PCSK5: variants seen among roughly 807,000 people sequenced by gnomAD.
PCSK5 encodes the protein prohormone convertase 5.
PCSK5 carries 129 observed loss-of-function variants against 233.2 expected under a neutral mutation model. That is an observed-to-expected ratio of 0.55 (90% CI 0.48 to 0.64). The LOEUF (loss-of-function observed/expected upper bound fraction) is 0.64. PCSK5 is among the 30% of genes least tolerant of loss of function. PCSK5 has a pLI of 0.00. For synonymous variants in PCSK5, 825 were observed against 879.2 expected, an observed-to-expected ratio of 0.94 and a Z score of 1.09; for missense variants, 2,076 against 2,430.1, an observed-to-expected ratio of 0.85 and a Z score of 3.06.
At chr9:75,953,890 G>A (rs1431029021) in intron 2 of PCSK5, among the ~76,000 whole-genome samples, 1 of 152,072 alleles carries the variant, frequency 6.6e-6, no homozygotes, top group Non-Finnish European at 1.5e-5. Flanking sequence ...TTTTACTTAT[G>A]AGCCCCATTG....
intron 32 of PCSK5, among the ~76,000 whole-genome samples, chr9:76,326,302 C>T (rs1331289001): frequency 6.6e-6 from 1 of 152,062 alleles, no homozygotes; most frequent in Non-Finnish European, 1.5e-5. Context: ...GGGGGGATCA[C>T]TTTAGCCTGG....
chr9:76,012,284 A>G (rs1827759681), intron 3 of PCSK5, among the ~76,000 whole-genome samples: 1 of 152,186 alleles, frequency 6.6e-6, no homozygotes, highest in African/African-American at 2.4e-5. Context: ...TATGACAAAC[A>G]CACATTAATA....
At chr9:76,155,107 A>G (rs112156718) in intron 10 of PCSK5, among the ~76,000 whole-genome samples, 3,071 of 152,314 alleles carry the variant, frequency 0.02, 97 homozygotes, top group African/African-American at 0.066. Context: ...AAACTCCCAC[A>G]TTTATCCGTG....
At chr9:76,242,476 TAAG>T (rs986005297) in intron 24 of PCSK5, among the ~76,000 whole-genome samples, 2 of 152,092 alleles carry the variant, frequency 1.3e-5, no homozygotes, top group Non-Finnish European at 1.5e-5. Flanking sequence ...AATAAACACT[TAAG>T]AAGAAGATAA....
chr9:76,328,327 C>A, intron 33 of PCSK5, 88 bp downstream of exon 33: 1 of 931,294 alleles, frequency 1.1e-6, no homozygotes, highest in Non-Finnish European at 1.7e-6. Context: ...ATACTGGCTT[C>A]TTTCTTTTTG....
Position 75,986,149 on chromosome 9 carries a change from G to A in PCSK5, c.315G>A (p.Gln105=), listed in dbSNP as rs1191060942. The stretch of plus-strand genomic sequence containing the variant: ...CTTGACAGGTGGAATGGATCCAACA[G>A]CAAGTGGTAAAAAAGCGGACAAAGA... ...SMEPKVEWIQ[Q]QVVKKRTKRD... is the part of the protein sequence containing the mutation. The change falls in exon 3 of 38, where the codon CAG becomes CAA. Residue 105 remains glutamine (Q), a synonymous_variant. Transcript: ENST00000674117. 5.0e-6 allele frequency: 8 copies of A among 1,610,628 alleles called. No individual in the cohort carries two copies. The highest frequency in any genetic ancestry group is 2.7e-5 in the African/African-American group (2 of 74,844).
rs138933509 is a variant in PCSK5 at position 76,145,478 on chromosome 9, C to A, written c.1312+11266C>A. 2.4e-3 allele frequency among the ~76,000 whole-genome samples: 366 copies of A among 152,260 alleles called. 1 individual carries two copies. The highest frequency in any genetic ancestry group is 8.2e-3 in the African/African-American group (339 of 41,562). The stretch of plus-strand genomic sequence containing the variant: ...TGTCTTGTGAAAATACCACCTCCCC[C>A]CCAGCTCATTTTTTCTACCAAGGCA... On this transcript the variant is annotated intron_variant, in intron 10 of 37. Coordinates refer to ENST00000674117, the MANE Select transcript of PCSK5 (RefSeq NM_001372043.1).
chr9:76,097,489 G>A (rs190098963), intron 8 of PCSK5, among the ~76,000 whole-genome samples: 60 of 152,274 alleles, frequency 3.9e-4, no homozygotes, highest in African/African-American at 1.2e-3. Flanking sequence ...AAGTCTGCTG[G>A]ATGAAGAAGC....
Position 76,351,521 on chromosome 9 carries a change from AAAGAAAGAAAGGAAGG to A in PCSK5, c.5067+596_5067+611del, listed in dbSNP as rs1830151128. ...GAAAGAAAGAAAGAAAGAAAGAAAG[AAAGAAAGAAAGGAAGG>A]AAAGAAAGAGAAAGAAGAGAGAGAG... On this transcript the variant is annotated intron_variant, in intron 36 of 37. Transcript: ENST00000674117. 1.1e-4 allele frequency among the ~76,000 whole-genome samples: 14 copies of A among 124,866 alleles called. 3 individuals are homozygous for A. The highest frequency in any genetic ancestry group is 1.9e-4 in the Non-Finnish European group (11 of 58,186). The allele number at this position is 124,866 out of a possible 152,430, so 81.9% of individuals were successfully genotyped here.
At chr9:76,289,744 T>G (rs543818536) in intron 24 of PCSK5, among the ~76,000 whole-genome samples, 2 of 152,274 alleles carry the variant, frequency 1.3e-5, no homozygotes, top group Admixed American at 1.3e-4. Context: ...GAAACAATTT[T>G]TTAAATAATT....
At chr9:76,163,133 T>G (rs1358197821) in intron 12 of PCSK5, among the ~76,000 whole-genome samples, 1 of 152,336 alleles carries the variant, frequency 6.6e-6, no homozygotes, top group East Asian at 1.9e-4. Flanking sequence ...GAAACTATGG[T>G]CACTATTTAT....
At position 76,189,239 on chromosome 9, in the gene PCSK5, C is replaced by T; in HGVS notation, c.2510+16C>T. The T allele has an allele frequency of 6.2e-7, 1 of 1,609,032 alleles. No homozygotes were observed. The highest frequency in any genetic ancestry group is 8.5e-7 in the Non-Finnish European group (1 of 1,178,368). ...CCTGCAAAAAGTAAGTGGATCTGCC[C>T]CCTGGGCCCTAGCATTTAGACCTAA... On this transcript the variant is annotated intron_variant, in intron 19 of 37. Transcript: ENST00000674117.
chr9:76,130,293 G>C (rs923762468), intron 9 of PCSK5, among the ~76,000 whole-genome samples: 2 of 152,086 alleles, frequency 1.3e-5, no homozygotes, highest in Non-Finnish European at 2.9e-5. Flanking sequence ...AGGACGCGAC[G>C]TGCCATACTT....
intron 24 of PCSK5, among the ~76,000 whole-genome samples, chr9:76,280,984 T>C (rs1354276887): frequency 6.6e-6 from 1 of 152,108 alleles, no homozygotes; most frequent in Admixed American, 6.6e-5. Context: ...CCTAACTCTC[T>C]TCAATTTTAT....
At chr9:76,168,491 T>C (rs1350097756) in intron 12 of PCSK5, among the ~76,000 whole-genome samples, 1 of 152,182 alleles carries the variant, frequency 6.6e-6, no homozygotes, top group African/African-American at 2.4e-5. Flanking sequence ...TGTCTCTTTA[T>C]TCTTGAAAGG....
chr9:76,244,963 A>G (rs1826542862), intron 24 of PCSK5, among the ~76,000 whole-genome samples: 2 of 152,240 alleles, frequency 1.3e-5, no homozygotes, highest in African/African-American at 4.8e-5. Context: ...GGAAATTTTA[A>G]CTACTAAGAT....
At chr9:75,902,583 A>G (rs573718140) in intron 1 of PCSK5, among the ~76,000 whole-genome samples, 1 of 152,294 alleles carries the variant, frequency 6.6e-6, no homozygotes, top group East Asian at 1.9e-4. Context: ...GGGTATGGAG[A>G]TGCAGGTGAG....
At chr9:76,353,940 C>A in intron 36 of PCSK5, 93 bp from the exon 37 acceptor site, 1 of 875,300 alleles carries the variant, frequency 1.1e-6, no homozygotes. Context: ...ACATCTCCCT[C>A]CTTATGAAGA....
intron 3 of PCSK5, among the ~76,000 whole-genome samples, chr9:75,991,456 C>T (rs1198943553): frequency 6.6e-6 from 1 of 152,154 alleles, no homozygotes; most frequent in Non-Finnish European, 1.5e-5. Context: ...GGCTTTTAAA[C>T]TTATGGGGCA....
Sources: gnomAD v4.1 joint callset for allele counts (sites outside exome capture counted in the v4.1 genomes callset) on GRCh38, gnomAD v4.1.1 for gene constraint, MANE v1.5 for transcripts, NCBI Gene and HGNC (gene_info 2026-07-23, HGNC 2026-07-21) for gene names.